The following CNTNAP2 variants were observed in gnomAD, a reference collection of about 807,000 sequenced individuals.
CNTNAP2 encodes the protein contactin-associated protein-like 2.
Under a neutral mutation model 155.2 loss-of-function variants are expected in CNTNAP2, and 98 were observed. The ratio of observed to expected loss-of-function variants is 0.63; its 90% CI spans 0.54 to 0.75. The LOEUF (loss-of-function observed/expected upper bound fraction) is 0.75, where lower values mean the gene tolerates loss of function less well. CNTNAP2 is among the 30% of genes least tolerant of loss of function. The probability of loss-of-function intolerance (pLI) is 0.00; values close to 1 mark genes in which losing one functional copy is unlikely to be tolerated. For synonymous variants in CNTNAP2, 651 were observed against 631.2 expected (o/e 1.03, Z -0.47); for missense variants, 1,727 against 1,688.1 (o/e 1.02, Z -0.40).
rs117633513 is a variant in CNTNAP2 at position 146,921,358 on chromosome 7, T to A, written c.402+81454T>A. On this transcript the variant is annotated intron_variant, in intron 3 of 23. Coordinates refer to ENST00000361727, the MANE Select transcript of CNTNAP2 (RefSeq NM_014141.6). ...TATGACTTGAGATGCGAATGATGAA[T>A]CCCAGGCAGATGGATCTGCAAGTGA... is the stretch of plus-strand genomic sequence containing the variant. 2.0e-3 allele frequency among the ~76,000 whole-genome samples: 301 copies of A among 152,240 alleles called. 8 individuals are homozygous for A. The East Asian group carries it at 0.047, about 24-fold the overall frequency.
At chr7:146,124,497 C>G (rs1797607360) in intron 1 of CNTNAP2, among the ~76,000 whole-genome samples, 1 of 152,044 alleles carries the variant, frequency 6.6e-6, no homozygotes, top group Non-Finnish European at 1.5e-5. Context: ...AATTATGTCA[C>G]ATAGTGAAAT....
intron 3 of CNTNAP2, among the ~76,000 whole-genome samples, chr7:146,969,130 T>A (rs1428212913): frequency 1.5e-4 from 23 of 151,376 alleles, no homozygotes; most frequent in African/African-American, 5.1e-4. Context: ...TTTGAGTGAG[T>A]TTCTTAATCC....
chr7:147,980,728 T>C (rs1383272286), intron 15 of CNTNAP2, among the ~76,000 whole-genome samples: 1 of 149,134 alleles, frequency 6.7e-6, no homozygotes, highest in Non-Finnish European at 1.5e-5. Context: ...ATCGAGACCA[T>C]CCTGGCTAAC....
intron 4 of CNTNAP2, among the ~76,000 whole-genome samples, chr7:147,099,043 G>C (rs1480132018): frequency 6.6e-6 from 1 of 152,168 alleles, no homozygotes; most frequent in Non-Finnish European, 1.5e-5. Context: ...TAGAGGGGAT[G>C]AGGGAACTGT....
intron 14 of CNTNAP2, among the ~76,000 whole-genome samples, chr7:147,932,976 T>A (rs1800532904): frequency 6.6e-6 from 1 of 152,160 alleles, no homozygotes. Flanking sequence ...TCAACATCAC[T>A]AATCATAGGG....
Position 147,134,024 on chromosome 7 carries a change from C to A in CNTNAP2, c.1348+1515C>A, listed in dbSNP as rs116538920. ...AAACAAAAACAAAAGCAAATGTTTG[C>A]CACAGTTGAAAAACTCCCACATTAT... is the stretch of plus-strand genomic sequence containing the variant. On this transcript the variant is annotated intron_variant, in intron 8 of 23. Transcript: ENST00000361727. Among the ~76,000 whole-genome samples the A allele has an allele frequency of 5.3e-3, 806 of 151,962 alleles. 7 individuals carry two copies. Among genetic ancestry groups the A allele is most frequent in the African/African-American group, 0.019 (772 of 41,480 alleles).
At chr7:147,177,810 T>A (rs1436644526) in intron 8 of CNTNAP2, among the ~76,000 whole-genome samples, 2 of 152,110 alleles carry the variant, frequency 1.3e-5, no homozygotes, top group Non-Finnish European at 2.9e-5. Context: ...TTCACGTAAC[T>A]CTTACTTCAA....
chr7:147,437,156 A>G (rs914953096), intron 10 of CNTNAP2, among the ~76,000 whole-genome samples: 1 of 152,108 alleles, frequency 6.6e-6, no homozygotes, highest in African/African-American at 2.4e-5. Flanking sequence ...AAAGAAGCCA[A>G]CACCAGAGGG....
chr7:147,787,480 C>G (rs951759640), intron 13 of CNTNAP2, among the ~76,000 whole-genome samples: 3 of 152,164 alleles, frequency 2.0e-5, no homozygotes, highest in Non-Finnish European at 4.4e-5. Flanking sequence ...TCATTGTATA[C>G]CACATGGTTA....
At chr7:147,172,286 T>C (rs1359671316) in intron 8 of CNTNAP2, among the ~76,000 whole-genome samples, 1 of 152,200 alleles carries the variant, frequency 6.6e-6, no homozygotes, top group Non-Finnish European at 1.5e-5. Flanking sequence ...CTAAATCACA[T>C]TTATTCCAAA....
At chr7:146,862,047 A>G (rs1795112432) in intron 3 of CNTNAP2, among the ~76,000 whole-genome samples, 1 of 152,130 alleles carries the variant, frequency 6.6e-6, no homozygotes, top group Admixed American at 6.5e-5. Context: ...TAACATGCCC[A>G]TTTTACCAGT....
rs1218143568 is a variant in CNTNAP2 at position 147,083,970 on chromosome 7, G to A, written c.551-24177G>A. Among the ~76,000 whole-genome samples, 5 of 134,644 alleles carry A rather than the reference G, an allele frequency of 3.7e-5. No homozygotes were observed. In the East Asian group the frequency reaches 6.6e-4, roughly 18 times the overall value. The allele number at this position is 134,644 out of a possible 152,430, so 88.3% of individuals were successfully genotyped here. ...TAGCATTATATATAGCATTATATAT[G>A]TGTATACACATATATGTATATATAA... is the stretch of plus-strand genomic sequence containing the variant. On this transcript the variant is annotated intron_variant, in intron 4 of 23. Coordinates refer to ENST00000361727, the MANE Select transcript of CNTNAP2 (RefSeq NM_014141.6).
rs144249164 is a variant in CNTNAP2, at chr7:146,315,088, C to T, written c.97+198115C>T. Among the ~76,000 whole-genome samples, 499 of 152,222 alleles carry T rather than the reference C, an allele frequency of 3.3e-3. 2 individuals are homozygous for T. The highest frequency in any genetic ancestry group is 0.012 in the African/African-American group (483 of 41,554). ...CTGTTTAGGCTCAAGTTGGCTTTTT[C>T]TTTATTGCTTTGTAGGCTCCCAGAG... On this transcript the variant is annotated intron_variant, in intron 1 of 23. Coordinates refer to ENST00000361727, the MANE Select transcript of CNTNAP2 (RefSeq NM_014141.6).
intron 1 of CNTNAP2, among the ~76,000 whole-genome samples, chr7:146,198,213 A>G (rs1798804920): frequency 6.6e-6 from 1 of 152,166 alleles, no homozygotes; most frequent in South Asian, 2.1e-4. Flanking sequence ...ATTCCTGCTT[A>G]CAATTCAGAA....
chr7:147,391,578 A>G (rs904419387), intron 9 of CNTNAP2, among the ~76,000 whole-genome samples: 3 of 152,134 alleles, frequency 2.0e-5, no homozygotes, highest in Admixed American at 6.6e-5. Context: ...ATCCACAATT[A>G]TATAAAGATA....
At position 147,750,626 on chromosome 7, in the gene CNTNAP2, C is replaced by A. The variant is rs531154814; in HGVS notation, c.2098+111320C>A. On this transcript the variant is annotated intron_variant, in intron 13 of 23. Transcript: ENST00000361727. ...CTTCAGGATAGCATGAGAACAAGGTCTACTAATTTTTGTTCATATATTTTT... is the reference window on the plus strand; with the variant it reads ...CTTCAGGATAGCATGAGAACAAGGTATACTAATTTTTGTTCATATATTTTT... Among the ~76,000 whole-genome samples, 247 of 152,302 alleles carry A rather than the reference C, an allele frequency of 1.6e-3. 1 individual carries two copies. The highest frequency in any genetic ancestry group is 5.6e-3 in the African/African-American group (234 of 41,552).
At chr7:147,865,345 A>G (rs10235285) in intron 13 of CNTNAP2, among the ~76,000 whole-genome samples, 8,696 of 152,030 alleles carry the variant, frequency 0.057, 299 homozygotes, top group African/African-American at 0.079. Context: ...TTTATTGAAG[A>G]TTTCCCCATC....
At chr7:146,731,110 C>T (rs537348388) in intron 1 of CNTNAP2, among the ~76,000 whole-genome samples, 63 of 152,156 alleles carry the variant, frequency 4.1e-4, no homozygotes, top group African/African-American at 1.4e-3. Context: ...AATGATGTAC[C>T]AAAAGTCAAA....
At chr7:146,929,667 A>G (rs1002253992) in intron 3 of CNTNAP2, among the ~76,000 whole-genome samples, 1 of 152,130 alleles carries the variant, frequency 6.6e-6, no homozygotes, top group Admixed American at 6.5e-5. Context: ...TTCCAACCAA[A>G]GGCAAAGAAG....
Sources: gnomAD v4.1 joint callset for allele counts (sites outside exome capture counted in the v4.1 genomes callset) on GRCh38, gnomAD v4.1.1 for gene constraint, MANE v1.5 for transcripts, NCBI Gene and HGNC (gene_info 2026-07-23, HGNC 2026-07-21) for gene names.